The following GMDS variants were observed in gnomAD, a reference collection of about 807,000 sequenced individuals.
GMDS encodes the protein GDP-mannose 4,6-dehydratase.
GMDS carries 20 observed loss-of-function variants against 49.9 expected under a neutral mutation model. That is an observed-to-expected ratio of 0.40 (90% confidence interval 0.28 to 0.58). The LOEUF is 0.58. Ranked by LOEUF, GMDS falls within the 20% of genes least tolerant of loss-of-function variation. The probability of loss-of-function intolerance (pLI) is 0.42; values close to 1 mark genes in which losing one functional copy is unlikely to be tolerated. For missense variants in GMDS, 362 were observed against 481.4 expected (o/e 0.75, Z 2.32); for synonymous variants, 177 against 178.6 (o/e 0.99, Z 0.07).
At chr6:2,128,966 G>A (rs1374032138) in intron 1 of GMDS, among the ~76,000 whole-genome samples, 1 of 152,166 alleles carries the variant, frequency 6.6e-6, no homozygotes. Context: ...TCCAGCTTTG[G>A]GGCCAAAGGG....
At chr6:1,702,244 ATTACAGACGT>A (rs894706148) in intron 9 of GMDS, among the ~76,000 whole-genome samples, 13 of 152,246 alleles carry the variant, frequency 8.5e-5, no homozygotes, top group Non-Finnish European at 1.5e-4. Context: ...CTTGGAGAGA[ATTACAGACGT>A]TTAGAGTGGC....
chr6:2,007,387 C>T (rs952970021), intron 4 of GMDS, among the ~76,000 whole-genome samples: 2 of 152,066 alleles, frequency 1.3e-5, no homozygotes, highest in Admixed American at 1.3e-4. Flanking sequence ...TAAAACATGC[C>T]ACTCTTTCAC....
chr6:1,683,273 G>A (rs923547786), intron 9 of GMDS, among the ~76,000 whole-genome samples: 13 of 152,198 alleles, frequency 8.5e-5, no homozygotes, highest in East Asian at 1.9e-4. Flanking sequence ...ACAGGCGCCC[G>A]CCACCACGCC....
At position 1,959,927 on chromosome 6, in the gene GMDS, C is replaced by T. The variant is rs1561924635; in HGVS notation, c.583G>A (p.Glu195Lys). ...TTCACTGCAAAGAGATTATACGCCT[C>T]ACGGAAGTTCACCACAATCCAATAG... ...YAYWIVVNFR[E>K]AYNLFAVNGI... The change falls in exon 6 of 11, where the codon GAG becomes AAG. Residue 195 changes from glutamate (E) to lysine (K), a missense_variant. Transcript: ENST00000380815. The T allele has an allele frequency of 6.2e-7, 1 of 1,610,896 alleles. No individual in the cohort carries two copies. Among genetic ancestry groups the T allele is most frequent in the South Asian group, 1.1e-5 (1 of 90,564 alleles).
intron 9 of GMDS, among the ~76,000 whole-genome samples, chr6:1,672,648 T>C (rs1313105656): frequency 1.3e-5 from 2 of 152,050 alleles, no homozygotes; most frequent in Admixed American, 6.6e-5. Flanking sequence ...CACCCGGGAG[T>C]ACAGAGAGAA....
chr6:1,768,218 T>C (rs1768434338), intron 7 of GMDS, among the ~76,000 whole-genome samples: 1 of 152,242 alleles, frequency 6.6e-6, no homozygotes, highest in African/African-American at 2.4e-5. Context: ...GGGGAATATC[T>C]AATGTCACTT....
At chr6:1,673,751 T>G (rs991985851) in intron 9 of GMDS, among the ~76,000 whole-genome samples, 7 of 152,064 alleles carry the variant, frequency 4.6e-5, no homozygotes, top group Non-Finnish European at 1.0e-4. Context: ...TCTCCATAGT[T>G]TCGCCTTTCC....
intron 7 of GMDS, among the ~76,000 whole-genome samples, chr6:1,759,074 C>CA (rs2113544367): frequency 6.6e-6 from 1 of 152,228 alleles, no homozygotes; most frequent in African/African-American, 2.4e-5. Context: ...AGGTGTGCGC[C>CA]ACCACGCCCG....
chr6:1,688,763 C>G (rs1003287711), intron 9 of GMDS, among the ~76,000 whole-genome samples: 2 of 152,204 alleles, frequency 1.3e-5, no homozygotes, highest in African/African-American at 4.8e-5. Flanking sequence ...CCAGCTAACA[C>G]TTGTGAGGTA....
At chr6:1,736,885 A>C (rs1241322996) in intron 8 of GMDS, among the ~76,000 whole-genome samples, 1 of 152,172 alleles carries the variant, frequency 6.6e-6, no homozygotes, top group Non-Finnish European at 1.5e-5. Flanking sequence ...CAAGCTCTGC[A>C]AATTCCCGAG....
intron 7 of GMDS, among the ~76,000 whole-genome samples, chr6:1,809,625 GACAGATTTGTAGGCCGAGTA>G (rs1407358688): frequency 2.0e-5 from 3 of 152,146 alleles, no homozygotes; most frequent in Non-Finnish European, 4.4e-5. Context: ...GATGACATAG[GACAGATTTGTAGGCCGAGTA>G]ACAGGAACCA....
chr6:2,177,834 T>C (rs536596552), intron 1 of GMDS, among the ~76,000 whole-genome samples: 2 of 152,266 alleles, frequency 1.3e-5, no homozygotes, highest in East Asian at 3.9e-4. Context: ...ACATGCATAC[T>C]TGAATATTCA....
At chr6:2,021,627 C>A (rs1167275698) in intron 4 of GMDS, among the ~76,000 whole-genome samples, 2 of 152,226 alleles carry the variant, frequency 1.3e-5, no homozygotes, top group East Asian at 3.9e-4. Context: ...TTGTGTTAAC[C>A]TCAGTTCCTA....
At chr6:2,110,202 C>A (rs529360665) in intron 4 of GMDS, among the ~76,000 whole-genome samples, 3 of 151,962 alleles carry the variant, frequency 2.0e-5, no homozygotes, top group Non-Finnish European at 4.4e-5. Context: ...CCCTTCCCCC[C>A]CATAATGCAA....
intron 1 of GMDS, among the ~76,000 whole-genome samples, chr6:2,238,682 C>T (rs2127600213): frequency 6.6e-6 from 1 of 152,246 alleles, no homozygotes; most frequent in Non-Finnish European, 1.5e-5. Flanking sequence ...ATCCACACAT[C>T]AATTTGTGAT....
chr6:1,945,208 TA>T (rs1384803456), intron 6 of GMDS, among the ~76,000 whole-genome samples: 1 of 152,070 alleles, frequency 6.6e-6, no homozygotes, highest in East Asian at 1.9e-4. Context: ...GCTTTCTTAC[TA>T]GTGACTTAGC....
In GMDS at chr6:1,797,108, G is replaced by C. The variant is rs568654527; in HGVS notation, c.772-54522C>G. Reference sequence around the variant, plus strand: ...GAGCAGCCTGCAAGCGAGCATTACTGCCTGAGCTCTGCCTCCTGACAGATT... The same window carrying C: ...GAGCAGCCTGCAAGCGAGCATTACTCCCTGAGCTCTGCCTCCTGACAGATT... On this transcript the variant is annotated intron_variant, in intron 7 of 10. Transcript: ENST00000380815. Among the ~76,000 whole-genome samples the C allele has an allele frequency of 3.9e-5, 6 of 152,314 alleles. No individual in the cohort carries two copies. In the South Asian group the frequency reaches 1.2e-3, roughly 32 times the overall value.
intron 4 of GMDS, among the ~76,000 whole-genome samples, chr6:1,969,669 G>A (rs924733090): frequency 3.3e-5 from 5 of 152,100 alleles, no homozygotes; most frequent in African/African-American, 1.2e-4. Context: ...GAGTCTGGGT[G>A]TTGCCCTTTC....
intron 9 of GMDS, among the ~76,000 whole-genome samples, chr6:1,672,954 C>A (rs1764475226): frequency 6.6e-6 from 1 of 152,102 alleles, no homozygotes; most frequent in Non-Finnish European, 1.5e-5. Context: ...TGCACTCCCA[C>A]CACTCCCAGC....
Sources: allele counts gnomAD v4.1 joint callset (sites outside exome capture counted in the v4.1 genomes callset), GRCh38; gene constraint gnomAD v4.1.1; transcripts MANE v1.5; gene names NCBI Gene and HGNC (gene_info 2026-07-23, HGNC 2026-07-21).